SPTLC1: variants seen among roughly 807,000 people sequenced by gnomAD.
SPTLC1 encodes the protein serine palmitoyltransferase long chain base subunit 1, also known as serine palmitoyltransferase 1.
SPTLC1 carries 55 observed loss-of-function variants against 68.9 expected under a neutral mutation model. The observed-to-expected ratio is 0.80, with a 90% CI of 0.64 to 1.00. The LOEUF (loss-of-function observed/expected upper bound fraction) is 1.00, where lower values mean the gene tolerates loss of function less well. Among genes scored for constraint, SPTLC1 ranks in the 50% least tolerant of loss-of-function variants. SPTLC1 has a pLI of 0.00. For synonymous variants in SPTLC1, 197 were observed against 201.6 expected (o/e 0.98, Z 0.19); for missense variants, 449 against 573.1 (o/e 0.78, Z 2.21).
Position 92,031,598 on chromosome 9 carries a change from C to T in SPTLC1, c.*867G>A, listed in dbSNP as rs535318963. On this transcript the variant is annotated 3_prime_UTR_variant, in exon 15 of 15. Coordinates refer to ENST00000262554, the MANE Select transcript of SPTLC1 (RefSeq NM_006415.4). ...TTGGCTTAGTAAAAGCCTGTAGTTA[C>T]ACGTCCCTAGGCAAACCCACCATAC... The T allele has an allele frequency of 2.0e-5, 3 of 152,296 alleles. No homozygotes were observed. Among genetic ancestry groups the T allele is most frequent in the East Asian group, 3.8e-4 (2 of 5,196 alleles). 9.4% of individuals were successfully genotyped at this position (152,296 alleles called of 1,614,324 possible). A position where few individuals can be genotyped will look rare whatever the true frequency, so the allele number is the denominator to read the frequency against.
chr9:92,042,044 A>G (rs1298616490), intron 12 of SPTLC1, among the ~76,000 whole-genome samples: 1 of 152,138 alleles, frequency 6.6e-6, no homozygotes, highest in Admixed American at 6.5e-5. Flanking sequence ...TGTGTTGACT[A>G]TATCTGTGAA....
In SPTLC1 at chr9:92,088,027, T is replaced by C. The variant is rs547516787; in HGVS notation, c.261-7064A>G. On this transcript the variant is annotated intron_variant, in intron 3 of 14. Transcript: ENST00000262554. ...GCTGTGCTAGCAATCAGCGAGACTG[T>C]GTGGGCGTAGGACCCTCCGAGCCAG... Among the ~76,000 whole-genome samples the C allele has an allele frequency of 5.3e-4, 81 of 152,342 alleles. No homozygotes were observed. In the South Asian group the frequency reaches 0.015, roughly 29 times the overall value.
chr9:92,086,430 C>T (rs1054471206), intron 3 of SPTLC1, among the ~76,000 whole-genome samples: 2 of 152,156 alleles, frequency 1.3e-5, no homozygotes, highest in Non-Finnish European at 2.9e-5. Context: ...TCTTTTAGGG[C>T]AGGCCTGGTG....
chr9:92,059,949 C>T (rs1446284176), intron 6 of SPTLC1, among the ~76,000 whole-genome samples: 1 of 152,108 alleles, frequency 6.6e-6, no homozygotes, highest in African/African-American at 2.4e-5. Context: ...CCCCCTCCAC[C>T]CCCACTGTGG....
At chr9:92,092,742 C>A (rs867645973) in intron 3 of SPTLC1, among the ~76,000 whole-genome samples, 7 of 151,628 alleles carry the variant, frequency 4.6e-5, no homozygotes, top group African/African-American at 9.7e-5. Flanking sequence ...CTCCCTCCCC[C>A]CAAAAAAAGT....
chr9:92,098,838 C>CATATAA (rs1835638957), intron 3 of SPTLC1, among the ~76,000 whole-genome samples: 4 of 152,140 alleles, frequency 2.6e-5, no homozygotes, highest in Admixed American at 2.6e-4. Flanking sequence ...CACTCCAGGG[C>CATATAA]CACCCTGTGT....
chr9:92,055,140 C>A, intron 8 of SPTLC1: 1 of 739,250 alleles, frequency 1.4e-6, no homozygotes, highest in Non-Finnish European at 1.7e-6. Flanking sequence ...GTGGAAGGAT[C>A]ACTTGAGCCC....
intron 3 of SPTLC1, among the ~76,000 whole-genome samples, chr9:92,087,386 G>C (rs1353404180): frequency 2.6e-5 from 4 of 151,976 alleles, no homozygotes; most frequent in Admixed American, 2.6e-4. Flanking sequence ...ATCTACTTTT[G>C]GTCTTTGATG....
chr9:92,077,557 C>A (rs1301926477), intron 5 of SPTLC1, among the ~76,000 whole-genome samples: 1 of 152,174 alleles, frequency 6.6e-6, no homozygotes, highest in Non-Finnish European at 1.5e-5. Context: ...TACTCTCCCC[C>A]ACTTCCCTTA....
At chr9:92,109,184 T>C (rs376858464) in intron 2 of SPTLC1, 5 of 203,606 alleles carry the variant, frequency 2.5e-5, no homozygotes, top group South Asian at 8.2e-5. Context: ...ATATCAATGA[T>C]GACGTGATAT....
chr9:92,104,942 G>A, intron 3 of SPTLC1: 2 of 1,534,450 alleles, frequency 1.3e-6, no homozygotes, highest in Non-Finnish European at 1.7e-6. Flanking sequence ...CCCTGTTGGA[G>A]GCATCCTTCC....
At chr9:92,075,869 C>A (rs1367142074) in intron 5 of SPTLC1, among the ~76,000 whole-genome samples, 2 of 152,200 alleles carry the variant, frequency 1.3e-5, no homozygotes, top group Non-Finnish European at 2.9e-5. Context: ...TCCTAATCCA[C>A]ACAACTGTAT....
At chr9:92,111,003 A>T (rs1166559562) in intron 2 of SPTLC1, 1 of 152,150 alleles carries the variant, frequency 6.6e-6, no homozygotes, top group East Asian at 1.9e-4. Flanking sequence ...ACAATAATTC[A>T]TCTAACTTCT....
At chr9:92,087,015 T>C (rs1390574032) in intron 3 of SPTLC1, among the ~76,000 whole-genome samples, 1 of 152,266 alleles carries the variant, frequency 6.6e-6, no homozygotes, top group Non-Finnish European at 1.5e-5. Flanking sequence ...GCTGATACCC[T>C]TTCTTCCAGT....
intron 3 of SPTLC1, among the ~76,000 whole-genome samples, chr9:92,101,074 T>G (rs572329129): frequency 5.2e-4 from 79 of 152,028 alleles, no homozygotes; most frequent in Middle Eastern, 3.4e-3. Flanking sequence ...ACCACCAAAG[T>G]TGCACAATAA....
chr9:92,078,358 C>T (rs1426172186), intron 5 of SPTLC1, among the ~76,000 whole-genome samples: 1 of 152,198 alleles, frequency 6.6e-6, no homozygotes, highest in African/African-American at 2.4e-5. Flanking sequence ...ACCAAGCAAA[C>T]AACCCATTTG....
At chr9:92,057,959 T>C (rs951701809) in intron 7 of SPTLC1, among the ~76,000 whole-genome samples, 1 of 152,224 alleles carries the variant, frequency 6.6e-6, no homozygotes, top group South Asian at 2.1e-4. Context: ...ATACAAAACT[T>C]GAATCTGATG....
intron 5 of SPTLC1, among the ~76,000 whole-genome samples, chr9:92,072,775 A>C (rs1834544937): frequency 6.6e-6 from 1 of 152,128 alleles, no homozygotes; most frequent in Admixed American, 6.5e-5. Context: ...CTTCGGTTGC[A>C]AAATGGGCAA....
rs781435924 is a variant in SPTLC1 at position 92,059,229 on chromosome 9, T to G, written c.640A>C (p.Met214Leu). 7.4e-6 allele frequency: 12 copies of G among 1,614,000 alleles called. No homozygotes were observed. Among genetic ancestry groups the G allele is most frequent in the Non-Finnish European group, 9.3e-6 (11 of 1,180,016 alleles). Residue 214 changes from methionine (M) to leucine (L), a missense_variant, in exon 7 of 15, where the codon ATG becomes CTG. By Grantham distance (15) the Met-to-Leu change is conservative (BLOSUM62 2). Transcript: ENST00000262554. ...TTTAGTAGTCGCTCGAGGTCAGCCA[T>G]GTCATTATGCTTAAATAACTTAATG... ...SDIKLFKHND[M>L]ADLERLLKEQ...
Sources: gnomAD v4.1 joint callset for allele counts (sites outside exome capture counted in the v4.1 genomes callset) on GRCh38, gnomAD v4.1.1 for gene constraint, MANE v1.5 for transcripts, NCBI Gene and HGNC (gene_info 2026-07-23, HGNC 2026-07-21) for gene names.